RAD21: variants seen among roughly 807,000 people sequenced by gnomAD.
The protein encoded by RAD21 is RAD21 cohesin complex component.
Under a neutral mutation model 71.5 loss-of-function variants are expected in RAD21, and 18 were observed. The ratio of observed to expected loss-of-function variants is 0.25; its 90% CI spans 0.17 to 0.37. The LOEUF (loss-of-function observed/expected upper bound fraction) is 0.37, where lower values mean the gene tolerates loss of function less well. RAD21 is among the 10% of genes least tolerant of loss of function. The pLI is 1.00. For missense variants in RAD21, 493 were observed against 769.1 expected, an observed-to-expected ratio of 0.64 and a Z score of 4.25; for synonymous variants, 248 against 254.0, an observed-to-expected ratio of 0.98 and a Z score of 0.22.
At chr8:116,848,731 TTATG>T (rs1158381438) in intron 13 of RAD21, among the ~76,000 whole-genome samples, 1 of 150,694 alleles carries the variant, frequency 6.6e-6, no homozygotes, top group Non-Finnish European at 1.5e-5. Flanking sequence ...GCCTAACAGT[TTATG>T]TATTTAATTA....
At chr8:116,849,643 G>C (rs1361295052) in intron 12 of RAD21, among the ~76,000 whole-genome samples, 1 of 152,146 alleles carries the variant, frequency 6.6e-6, no homozygotes, top group Non-Finnish European at 1.5e-5. Context: ...CAAGGTGGGT[G>C]CAAGGCAGCA....
In RAD21 at chr8:116,869,600, G is replaced by GT. The variant is rs1433948973; in HGVS notation, c.-32-2840dup. Reference sequence around the variant, plus strand: ...ACTCTGTATAAAAAGAAAAAAAAAAGTGAGCCAAAGAAGAGAAATTTCACA... The same window carrying GT: ...ACTCTGTATAAAAAGAAAAAAAAAAGTTGAGCCAAAGAAGAGAAATTTCACA... On this transcript the variant is annotated intron_variant, in intron 1 of 13. Coordinates refer to ENST00000297338, the MANE Select transcript of RAD21 (RefSeq NM_006265.3). Among the ~76,000 whole-genome samples, 4 of 152,080 alleles carry GT rather than the reference G, an allele frequency of 2.6e-5. No individual in the cohort carries two copies. The East Asian group carries it at 7.7e-4, about 29-fold the overall frequency.
At chr8:116,861,375 G>A (rs1232024103) in intron 4 of RAD21, among the ~76,000 whole-genome samples, 1 of 150,962 alleles carries the variant, frequency 6.6e-6, no homozygotes, top group Non-Finnish European at 1.5e-5. Flanking sequence ...TCAAATGTGT[G>A]TCATGACAAT....
chr8:116,848,223 T>C (rs1055246685), intron 13 of RAD21, among the ~76,000 whole-genome samples: 18 of 152,320 alleles, frequency 1.2e-4, no homozygotes, highest in African/African-American at 2.2e-4. Flanking sequence ...AGGACAAAGA[T>C]TGCACTTTTT....
At chr8:116,861,814 C>T in intron 4 of RAD21, 27 bp downstream of exon 4, 1 of 1,559,282 alleles carries the variant, frequency 6.4e-7, no homozygotes, top group East Asian at 2.2e-5. Context: ...ACCAAGTCAA[C>T]AATTTTTTTT....
At chr8:116,854,870 A>C (rs1435162367) in intron 8 of RAD21, among the ~76,000 whole-genome samples, 1 of 152,184 alleles carries the variant, frequency 6.6e-6, no homozygotes, top group Non-Finnish European at 1.5e-5. Flanking sequence ...TAATGATTGT[A>C]AATACTGTTA....
Position 116,847,361 on chromosome 8 carries a change from A to G in RAD21, c.*139T>C. The G allele has an allele frequency of 1.4e-6, 1 of 708,666 alleles. No homozygotes were observed. Among genetic ancestry groups the G allele is most frequent in the South Asian group, 2.4e-5 (1 of 42,114 alleles). The allele number at this position is 708,666 out of a possible 1,614,324, so 43.9% of individuals were successfully genotyped here. On this transcript the variant is annotated 3_prime_UTR_variant, in exon 14 of 14. Coordinates refer to ENST00000297338, the MANE Select transcript of RAD21 (RefSeq NM_006265.3). ...AAATTGACAAATTTAATGTACTGGA[A>G]AAAAATGAAGAAGGAAAAAGGCAAA...
intron 1 of RAD21, among the ~76,000 whole-genome samples, chr8:116,873,471 C>G (rs1812881894): frequency 1.3e-5 from 2 of 152,214 alleles, no homozygotes; most frequent in African/African-American, 2.4e-5. Flanking sequence ...ATTCTATAGA[C>G]TCGCACTGCC....
chr8:116,849,182 A>G, intron 12 of RAD21, 153 bp from the exon 13 acceptor site: 1 of 519,190 alleles, frequency 1.9e-6, no homozygotes. Context: ...ATCACTTAGC[A>G]TTTAGAGTAC....
chr8:116,854,735 C>T (rs1812426657), intron 8 of RAD21, among the ~76,000 whole-genome samples: 1 of 152,128 alleles, frequency 6.6e-6, no homozygotes, highest in Non-Finnish European at 1.5e-5. Flanking sequence ...GACGCAAGGG[C>T]CAACACATTT....
chr8:116,860,392 C>T (rs901159888), intron 4 of RAD21, among the ~76,000 whole-genome samples: 2 of 152,084 alleles, frequency 1.3e-5, no homozygotes, highest in South Asian at 2.1e-4. Context: ...TAGCATTGTA[C>T]GCTACAAAGA....
chr8:116,849,202 A>G (rs535700050), intron 12 of RAD21, 173 bp from the exon 13 acceptor site: 36 of 466,534 alleles, frequency 7.7e-5, no homozygotes, highest in Middle Eastern at 6.1e-4. Context: ...CAAACTGAAG[A>G]GTCTGTTTTT....
intron 1 of RAD21, among the ~76,000 whole-genome samples, chr8:116,870,116 A>C (rs1394638898): frequency 6.6e-6 from 1 of 152,210 alleles, no homozygotes; most frequent in Non-Finnish European, 1.5e-5. Flanking sequence ...CTCTGAATCT[A>C]ATGTTCCCAA....
intron 1 of RAD21, among the ~76,000 whole-genome samples, chr8:116,871,994 T>A (rs1299390717): frequency 6.6e-6 from 1 of 152,168 alleles, no homozygotes; most frequent in Non-Finnish European, 1.5e-5. Flanking sequence ...AACAACGGAA[T>A]ATAGTCGGTC....
chr8:116,861,141 G>A (rs1253468107), intron 4 of RAD21, among the ~76,000 whole-genome samples: 1 of 151,960 alleles, frequency 6.6e-6, no homozygotes, highest in Non-Finnish European at 1.5e-5. Context: ...TAACAAAATA[G>A]GTCATAACTT....
intron 12 of RAD21, chr8:116,849,306 C>G (rs1812306447): frequency 5.9e-6 from 2 of 339,848 alleles, no homozygotes; most frequent in African/African-American, 4.2e-5. Context: ...TCTACACACA[C>G]TATGTGGTCT....
chr8:116,852,101 A>C lies in RAD21; in HGVS notation c.1322-5T>G, dbSNP rs1157333921. On this transcript the variant is annotated splice_region_variant and splice_polypyrimidine_tract_variant and intron_variant, in intron 10 of 13. Coordinates refer to ENST00000297338, the MANE Select transcript of RAD21 (RefSeq NM_006265.3). ...GCTCTTCAATAATGGGCTCATCTGC[A>C]ATTGGTCATATGAAGAGAAAACATA... 6.3e-7 allele frequency: 1 copy of C among 1,597,858 alleles called. No individual in the cohort carries two copies. Among genetic ancestry groups the C allele is most frequent in the Admixed American group, 1.7e-5 (1 of 59,634 alleles).
Position 116,847,468 on chromosome 8 carries a change from A to C in RAD21, c.*32T>G. The stretch of plus-strand genomic sequence containing the variant: ...TGGGGGCAATTTGTAAGCACTAGTG[A>C]ATCAAACACTAGCTATAATGCTTCT... On this transcript the variant is annotated 3_prime_UTR_variant, in exon 14 of 14. Coordinates refer to ENST00000297338, the MANE Select transcript of RAD21 (RefSeq NM_006265.3). 3.2e-6 allele frequency: 5 copies of C among 1,553,468 alleles called. No individual in the cohort carries two copies. The highest frequency in any genetic ancestry group is 4.4e-6 in the Non-Finnish European group (5 of 1,146,284).
intron 2 of RAD21, among the ~76,000 whole-genome samples, chr8:116,864,207 G>A (rs1447398415): frequency 3.3e-5 from 5 of 151,792 alleles, no homozygotes; most frequent in African/African-American, 4.8e-5. Flanking sequence ...CTAGCCATAA[G>A]GAAAATTTAC....
Sources: gnomAD v4.1 joint callset for allele counts (sites outside exome capture counted in the v4.1 genomes callset) on GRCh38, gnomAD v4.1.1 for gene constraint, MANE v1.5 for transcripts, NCBI Gene and HGNC (gene_info 2026-07-23, HGNC 2026-07-21) for gene names.